The following MARVELD3 variants were observed in gnomAD, a reference collection of about 807,000 sequenced individuals.
The protein encoded by MARVELD3 is MARVEL domain-containing protein 3.
Under a neutral mutation model 33.5 loss-of-function variants are expected in MARVELD3, and 28 were observed. That is an observed-to-expected ratio of 0.84 (90% CI 0.62 to 1.15). The LOEUF is 1.15. MARVELD3 is among the 50% of genes most tolerant of loss of function. MARVELD3 has a pLI of 0.00. For missense variants in MARVELD3, 582 were observed against 547.6 expected (o/e 1.06, Z -0.63); for synonymous variants, 241 against 230.4 (o/e 1.05, Z -0.42).
downstream of MARVELD3, chr16:71,640,491 G>A (rs111585833): frequency 2.5e-4 from 401 of 1,614,098 alleles, no homozygotes; most frequent in Middle Eastern, 3.3e-4. Context: ...CTTTTCCAGC[G>A]GCGGTGGCTT....
chr16:71,633,486 C>T (rs922821901), intron 2 of MARVELD3, among the ~76,000 whole-genome samples: 3 of 152,028 alleles, frequency 2.0e-5, no homozygotes, highest in South Asian at 4.2e-4. Flanking sequence ...CTCCACCTCT[C>T]GGGTTCAAGT....
In MARVELD3 at chr16:71,626,939, T is replaced by G; in HGVS notation, c.467+243T>G. 1 of 416,802 alleles carries G rather than the reference T, an allele frequency of 2.4e-6. No homozygotes were observed. The highest frequency in any genetic ancestry group is 4.2e-6 in the Non-Finnish European group (1 of 239,652). The allele number at this position is 416,802 out of a possible 1,614,324, so 25.8% of individuals were successfully genotyped here. ...CCACCCCTGTGAGCAGTGGCTGGGC[T>G]GGAGGACCTGGAGAAGAGAAAGAGA... On this transcript the variant is annotated intron_variant, in intron 1 of 2. Coordinates refer to ENST00000268485, the MANE Select transcript of MARVELD3 (RefSeq NM_052858.6). This position sits in a 1 kb window ranked among gnomAD's most constrained non-coding sequence, Gnocchi z 5.3.
chr16:71,640,917 G>A (rs2044614058), downstream of MARVELD3: 4 of 1,613,986 alleles, frequency 2.5e-6, no homozygotes, highest in South Asian at 1.1e-5. Flanking sequence ...CGGCGCCAGC[G>A]TGGTGCTGGC....
Position 71,626,677 on chromosome 16 carries a change from G to T in MARVELD3, c.448G>T (p.Gly150Trp), listed in dbSNP as rs1391435188. The T allele has an allele frequency of 3.3e-6, 5 of 1,509,032 alleles. No homozygotes were observed. The highest frequency in any genetic ancestry group is 4.3e-5 in the Admixed American group (2 of 46,600). The allele number at this position is 1,509,032 out of a possible 1,614,324, so 93.5% of individuals were successfully genotyped here. A position where few individuals can be genotyped will look rare whatever the true frequency, so the allele number is the denominator to read the frequency against. The change falls in exon 1 of 3, where the codon GGG becomes TGG. Residue 150 changes from glycine to tryptophan, a missense_variant. Coordinates refer to ENST00000268485, the MANE Select transcript of MARVELD3 (RefSeq NM_052858.6). The surrounding 1 kb of genome is among the most constrained non-coding windows in gnomAD (Gnocchi z 5.3). Reference protein sequence around the residue: ...PPQPQRKGDPGRRRPESEPPS... With the variant: ...PPQPQRKGDPWRRRPESEPPS... Reference sequence around the variant, plus strand: ...GCAGCCGCAGAGGAAGGGAGACCCCGGGCGCCGCAGACCCGAAAGGTGAGA... The same window carrying T: ...GCAGCCGCAGAGGAAGGGAGACCCCTGGCGCCGCAGACCCGAAAGGTGAGA...
chr16:71,634,739 C>A lies in MARVELD3; in HGVS notation c.1142C>A (p.Ala381Asp). 6.2e-7 allele frequency: 1 copy of A among 1,612,520 alleles called. No homozygotes were observed. The highest frequency in any genetic ancestry group is 8.5e-7 in the Non-Finnish European group (1 of 1,179,592). The change falls in exon 3 of 3, where the codon GCC becomes GAC. Residue 381 changes from alanine to aspartate, a missense_variant. Transcript: ENST00000268485. ...IVVFALGAVLAIKGYRKVRKL... is the reference protein window; with the variant it reads ...IVVFALGAVLDIKGYRKVRKL... ...GTCTTTGCCCTGGGGGCTGTCCTGGCCATAAAGGGCTACCGAAAAGTTAGG... is the reference window on the plus strand; with the variant it reads ...GTCTTTGCCCTGGGGGCTGTCCTGGACATAAAGGGCTACCGAAAAGTTAGG...
At position 71,626,397 on chromosome 16, in the gene MARVELD3, C is replaced by T. The variant is rs1215781393; in HGVS notation, c.168C>T (p.Asp56=). 3 of 1,546,310 alleles carry T rather than the reference C, an allele frequency of 1.9e-6. No homozygotes were observed. The highest frequency in any genetic ancestry group is 2.6e-6 in the Non-Finnish European group (3 of 1,145,088). Residue 56 remains aspartate (D), a synonymous_variant, in exon 1 of 3, where the codon GAC becomes GAT. Coordinates refer to ENST00000268485, the MANE Select transcript of MARVELD3 (RefSeq NM_052858.6). The surrounding 1 kb of genome is among the most constrained non-coding windows in gnomAD (Gnocchi z 5.3). ...SSDGNRRRDG[D]RDPERDQERD... ...ACGGGAACCGGCGAAGGGACGGGGA[C>T]CGGGACCCGGAGAGAGACCAGGAGA... is the stretch of plus-strand genomic sequence containing the variant.
At chr16:71,640,457 T>C (rs765805790), downstream of MARVELD3, 2 of 1,614,130 alleles carry the variant, frequency 1.2e-6, no homozygotes, top group Non-Finnish European at 1.7e-6. Flanking sequence ...CCTCCTACTT[T>C]GTCCTTGCCG....
Position 71,634,484 on chromosome 16 carries a change from C to T in MARVELD3, c.887C>T (p.Pro296Leu), listed in dbSNP as rs779919460. The T allele has an allele frequency of 2.8e-5, 46 of 1,614,188 alleles. No individual in the cohort carries two copies. In the South Asian group the frequency reaches 4.7e-4, roughly 17 times the overall value. Residue 296 changes from proline (P) to leucine (L), a missense_variant, in exon 3 of 3, where the codon CCG becomes CTG. By Grantham distance (98) the Pro-to-Leu change is moderately conservative. Transcript: ENST00000268485. Reference protein sequence around the residue: ...LFVAMGVLRVPWHCPLLLVTE... With the variant: ...LFVAMGVLRVLWHCPLLLVTE... ...GTTGCCATGGGTGTCCTGCGGGTCC[C>T]GTGGCATTGTCCACTGTTGCTGGTG...
At chr16:71,637,326 T>C (rs1415899172), downstream of MARVELD3, among the ~76,000 whole-genome samples, 1 of 152,094 alleles carries the variant, frequency 6.6e-6, no homozygotes, top group Admixed American at 6.6e-5. Flanking sequence ...GTATTTTCAG[T>C]ATAGTATTTC....
Position 71,626,223 on chromosome 16 carries a change from C to A in MARVELD3, c.-7C>A, listed in dbSNP as rs2044464612. 6.8e-7 allele frequency: 1 copy of A among 1,464,746 alleles called. No individual in the cohort carries two copies. Among genetic ancestry groups the A allele is most frequent in the Non-Finnish European group, 9.0e-7 (1 of 1,111,570 alleles). The allele number at this position is 1,464,746 out of a possible 1,614,324, so 90.7% of individuals were successfully genotyped here. A position where few individuals can be genotyped will look rare whatever the true frequency, so the allele number is the denominator to read the frequency against. On this transcript the variant is annotated 5_prime_UTR_variant, in exon 1 of 3. Coordinates refer to ENST00000268485, the MANE Select transcript of MARVELD3 (RefSeq NM_052858.6). The surrounding 1 kb of genome is among the most constrained non-coding windows in gnomAD (Gnocchi z 5.3). ...GTCGCTCCCGGGCGGGGACACGGAA[C>A]CCGGCCATGGAAGATCCGTCGGGGG... is the stretch of plus-strand genomic sequence containing the variant.
At chr16:71,636,863 T>C (rs1343075873), downstream of MARVELD3, among the ~76,000 whole-genome samples, 1 of 152,206 alleles carries the variant, frequency 6.6e-6, no homozygotes, top group African/African-American at 2.4e-5. Flanking sequence ...AGTGCTGGGA[T>C]TATAGGCGTG....
At chr16:71,627,945 A>G (rs942455986) in intron 1 of MARVELD3, among the ~76,000 whole-genome samples, 4 of 152,178 alleles carry the variant, frequency 2.6e-5, no homozygotes, top group Non-Finnish European at 5.9e-5. Flanking sequence ...CGAGGTGACG[A>G]CTGCTTCTGG....
rs764918116 is a variant in MARVELD3, at chr16:71,634,294, G to A, written c.697G>A (p.Gly233Arg). The change falls in exon 3 of 3, where the codon GGG (glycine) becomes AGG (arginine). Residue 233 changes from glycine to arginine, a missense_variant. By Grantham distance (125) the Gly-to-Arg change is moderately radical. Coordinates refer to ENST00000268485, the MANE Select transcript of MARVELD3 (RefSeq NM_052858.6). ...GGGCTACACGGGCATCACCAGCTTG[G>A]GGGGCATTTACTACTATCAGTTCGG... is the stretch of plus-strand genomic sequence containing the variant. Reference protein sequence around the residue: ...TGGYTGITSLGGIYYYQFGGA... With the variant: ...TGGYTGITSLRGIYYYQFGGA... 1.4e-5 allele frequency: 23 copies of A among 1,614,046 alleles called. No homozygotes were observed. The highest frequency in any genetic ancestry group is 1.8e-5 in the Non-Finnish European group (21 of 1,180,034).
At chr16:71,636,978 C>A (rs73576293), downstream of MARVELD3, among the ~76,000 whole-genome samples, 339 of 152,292 alleles carry the variant, frequency 2.2e-3, no homozygotes, top group African/African-American at 7.2e-3. Flanking sequence ...TTTCCGGAGA[C>A]GTGTCCCATC....
At position 71,626,211 on chromosome 16, in the gene MARVELD3, G is replaced by T; in HGVS notation, c.-19G>T. The T allele has an allele frequency of 2.1e-6, 3 of 1,450,904 alleles. No individual in the cohort carries two copies. The highest frequency in any genetic ancestry group is 2.7e-6 in the Non-Finnish European group (3 of 1,104,462). 89.9% of individuals were successfully genotyped at this position (1,450,904 alleles called of 1,614,324 possible). A position where few individuals can be genotyped will look rare whatever the true frequency, so the allele number is the denominator to read the frequency against. ...TGTTGCCCTCAGGTCGCTCCCGGGC[G>T]GGGACACGGAACCCGGCCATGGAAG... On this transcript the variant is annotated 5_prime_UTR_variant, in exon 1 of 3. Coordinates refer to ENST00000268485, the MANE Select transcript of MARVELD3 (RefSeq NM_052858.6). The surrounding 1 kb of genome is among the most constrained non-coding windows in gnomAD (Gnocchi z 5.3).
chr16:71,636,019 A>T lies in MARVELD3; in HGVS notation c.*1216A>T. ...AAGGATGTAAAATCTTTCCCAACAGAAGAGTGTTACTTTTGGTCAGACAAC... is the reference window on the plus strand; with the variant it reads ...AAGGATGTAAAATCTTTCCCAACAGTAGAGTGTTACTTTTGGTCAGACAAC... On this transcript the variant is annotated 3_prime_UTR_variant, in exon 3 of 3. Coordinates refer to ENST00000268485, the MANE Select transcript of MARVELD3 (RefSeq NM_052858.6). The T allele has an allele frequency of 1.0e-6, 1 of 985,450 alleles. No individual in the cohort carries two copies. Among genetic ancestry groups the T allele is most frequent in the Non-Finnish European group, 1.2e-6 (1 of 829,942 alleles). 61.0% of individuals were successfully genotyped at this position (985,450 alleles called of 1,614,324 possible).
chr16:71,634,181 C>T lies in MARVELD3; in HGVS notation c.596-12C>T. ...AGCATCACTCAAAAATGGTAACACC[C>T]TTTTTTTGCAGCCTGCTGCCAAATG... On this transcript the variant is annotated splice_polypyrimidine_tract_variant and intron_variant, in intron 2 of 2. Transcript: ENST00000268485. 6.3e-7 allele frequency: 1 copy of T among 1,587,872 alleles called. No individual in the cohort carries two copies. The highest frequency in any genetic ancestry group is 8.6e-7 in the Non-Finnish European group (1 of 1,165,194).
At chr16:71,627,282 C>A (rs1420404938) in intron 1 of MARVELD3, among the ~76,000 whole-genome samples, 1 of 152,238 alleles carries the variant, frequency 6.6e-6, no homozygotes, top group Non-Finnish European at 1.5e-5. Context: ...GCGGGCGGAT[C>A]ACCTGAGGCC....
In MARVELD3 at chr16:71,632,356, A is replaced by C. The variant is rs1555542576; in HGVS notation, c.596-1837A>C. The stretch of plus-strand genomic sequence containing the variant: ...TGTTGCATATAAGTTATATTTCACT[A>C]ACGTTGATTTTAAGGAAAGCAGCCA... On this transcript the variant is annotated intron_variant, in intron 2 of 2. Coordinates refer to ENST00000268485, the MANE Select transcript of MARVELD3 (RefSeq NM_052858.6). Among the ~76,000 whole-genome samples, 2 of 152,202 alleles carry C rather than the reference A, an allele frequency of 1.3e-5. 1 individual carries two copies. The highest frequency in any genetic ancestry group is 2.9e-5 in the Non-Finnish European group (2 of 68,042).
Sources: allele counts gnomAD v4.1 joint callset (sites outside exome capture counted in the v4.1 genomes callset), GRCh38; gene constraint gnomAD v4.1.1; non-coding constraint Gnocchi (gnomAD v3.1); transcripts MANE v1.5; gene names NCBI Gene and HGNC (gene_info 2026-07-23, HGNC 2026-07-21).